The following GPR137B variants were observed in gnomAD, a reference collection of about 807,000 sequenced individuals.
GPR137B encodes the protein G protein-coupled receptor 137B, also known as integral membrane protein GPR137B.
GPR137B carries 42 observed loss-of-function variants against 42.5 expected under a neutral mutation model. The ratio of observed to expected loss-of-function variants is 0.99; its 90% CI spans 0.77 to 1.28. The LOEUF (loss-of-function observed/expected upper bound fraction) is 1.28, where lower values mean the gene tolerates loss of function less well. GPR137B is among the 50% of genes most tolerant of loss of function. The pLI is 0.00. For missense variants in GPR137B, 487 were observed against 493.9 expected, an observed-to-expected ratio of 0.99 and a Z score of 0.13; for synonymous variants, 218 against 209.7, an observed-to-expected ratio of 1.04 and a Z score of -0.34.
chr1:236,156,395 G>A lies in GPR137B; in HGVS notation c.415-12311G>A, dbSNP rs184477986. Among the ~76,000 whole-genome samples the A allele has an allele frequency of 2.2e-4, 34 of 152,360 alleles. No homozygotes were observed. The highest frequency in any genetic ancestry group is 6.2e-4 in the South Asian group (3 of 4,822). On this transcript the variant is annotated intron_variant, in intron 1 of 6. Transcript: ENST00000366592. This position sits in a 1 kb window ranked among gnomAD's most constrained non-coding sequence, Gnocchi z 4.8. Reference sequence around the variant, plus strand: ...CCCAGAACTTTATGGCATGGACAGCGTGCTTGCTTGCCTTTTCTGGCCAGT... The same window carrying A: ...CCCAGAACTTTATGGCATGGACAGCATGCTTGCTTGCCTTTTCTGGCCAGT...
At chr1:236,179,833 G>A (rs534738767) in intron 3 of GPR137B, 46 bp from the exon 4 acceptor site, 19 of 1,458,422 alleles carry the variant, frequency 1.3e-5, no homozygotes, top group Non-Finnish European at 1.7e-5. Flanking sequence ...AGGGGCTGGT[G>A]TCTTGGACCT....
chr1:236,175,466 G>A (rs952987484), intron 2 of GPR137B, among the ~76,000 whole-genome samples: 7 of 152,204 alleles, frequency 4.6e-5, no homozygotes, highest in African/African-American at 1.4e-4. Context: ...CAGACAGTGC[G>A]TTCCCCAGAG....
chr1:236,143,132 C>T (rs1661578848), intron 1 of GPR137B, 96 bp downstream of exon 1: 2 of 1,083,452 alleles, frequency 1.8e-6, no homozygotes, highest in African/African-American at 3.1e-5. Context: ...GGGGCGGGTC[C>T]GGCCCTAGGG....
At chr1:236,183,615 A>T (rs904005744) in intron 4 of GPR137B, among the ~76,000 whole-genome samples, 163 bp from the exon 5 acceptor site, 2 of 152,222 alleles carry the variant, frequency 1.3e-5, no homozygotes, top group Non-Finnish European at 1.5e-5. Context: ...TTAATACTTT[A>T]AATAGAAGTA....
At chr1:236,203,586 T>C (rs180685961) in intron 5 of GPR137B, among the ~76,000 whole-genome samples, 2 of 152,334 alleles carry the variant, frequency 1.3e-5, no homozygotes, top group East Asian at 3.9e-4. Context: ...GGGGATTGCA[T>C]TGAATCTGTA....
rs1278986782 is a variant in GPR137B, at chr1:236,142,571, T to C, written c.-52T>C. 64 of 1,087,024 alleles carry C rather than the reference T, an allele frequency of 5.9e-5. No individual in the cohort carries two copies. The highest frequency in any genetic ancestry group is 7.5e-5 in the Non-Finnish European group (63 of 842,456). 67.3% of individuals were successfully genotyped at this position (1,087,024 alleles called of 1,614,324 possible). A position where few individuals can be genotyped will look rare whatever the true frequency, so the allele number is the denominator to read the frequency against. On this transcript the variant is annotated 5_prime_UTR_variant, in exon 1 of 7. Coordinates refer to ENST00000366592, the MANE Select transcript of GPR137B (RefSeq NM_003272.4). Reference sequence around the variant, plus strand: ...TTCCTCCAGTCTCGGGGCTGCAGGCTGAGCGCGATGCGCGGAGACCCCCGC... The same window carrying C: ...TTCCTCCAGTCTCGGGGCTGCAGGCCGAGCGCGATGCGCGGAGACCCCCGC...
intron 2 of GPR137B, among the ~76,000 whole-genome samples, chr1:236,172,825 C>T (rs916456918): frequency 2.0e-5 from 3 of 151,450 alleles, no homozygotes; most frequent in Admixed American, 6.6e-5. Context: ...GCTGGGAATA[C>T]AGGTGCATGT....
chr1:236,208,114 T>C lies in GPR137B; in HGVS notation c.1156T>C (p.Leu386=). 1 of 1,613,772 alleles carries C rather than the reference T, an allele frequency of 6.2e-7. No individual in the cohort carries two copies. The highest frequency in any genetic ancestry group is 8.5e-7 in the Non-Finnish European group (1 of 1,179,672). Residue 386 remains leucine (L), a synonymous_variant, in exon 7 of 7, where the codon TTG becomes CTG. Coordinates refer to ENST00000366592, the MANE Select transcript of GPR137B (RefSeq NM_003272.4). The part of the protein sequence containing the change: ...TNSFLAQAGT[L]QDSTLDPDKP... ...CAGCTTCCTGGCACAAGCAGGAACT[T>C]TGCAAGACTCAACTTTGGATCCTGA...
At chr1:236,145,280 A>T (rs961915359) in intron 1 of GPR137B, among the ~76,000 whole-genome samples, 2 of 152,154 alleles carry the variant, frequency 1.3e-5, no homozygotes, top group Non-Finnish European at 2.9e-5. Context: ...TTTCTCTTAC[A>T]CAAACCATTG....
At chr1:236,162,611 C>T (rs1309908254) in intron 1 of GPR137B, among the ~76,000 whole-genome samples, 2 of 152,234 alleles carry the variant, frequency 1.3e-5, no homozygotes, top group Non-Finnish European at 2.9e-5. Flanking sequence ...ACTTCGTGCC[C>T]TGTGTCCCAG....
chr1:236,205,235 AG>A lies in GPR137B; in HGVS notation c.1079del (p.Gly360AspfsTer44). The A allele has an allele frequency of 6.2e-7, 1 of 1,613,340 alleles. No individual in the cohort carries two copies. Among genetic ancestry groups the A allele is most frequent in the African/African-American group, 1.3e-5 (1 of 75,050 alleles). On this transcript the variant is annotated frameshift_variant, in exon 6 of 7. Coordinates refer to ENST00000366592, the MANE Select transcript of GPR137B (RefSeq NM_003272.4). LOFTEE classifies it high-confidence loss of function. ...GACCTTGCCTGGAACATTGCCCCTC[AG>A]GGACTTCAGGGAGGGTAAGACCCTA... ...DDDLAWNIAPQGLQGGFAPDY... is the reference protein window; with the variant it reads ...DDDLAWNIAPXGLQGGFAPDY...
chr1:236,170,943 T>C (rs1662516043), intron 2 of GPR137B, among the ~76,000 whole-genome samples: 1 of 143,574 alleles, frequency 7.0e-6, no homozygotes, highest in Non-Finnish European at 1.5e-5. Context: ...GCCACTGCAC[T>C]CCAGCCTGGG....
chr1:236,187,881 C>T (rs2102917262), intron 5 of GPR137B, among the ~76,000 whole-genome samples: 1 of 152,246 alleles, frequency 6.6e-6, no homozygotes, highest in Non-Finnish European at 1.5e-5. Context: ...TCAGTGGTAG[C>T]TTGATGGGGA....
At chr1:236,143,517 G>C (rs537329787) in intron 1 of GPR137B, among the ~76,000 whole-genome samples, 3 of 152,356 alleles carry the variant, frequency 2.0e-5, no homozygotes, top group Middle Eastern at 3.4e-3. Flanking sequence ...CGTTGGCAGG[G>C]TGAGACCATG....
intron 1 of GPR137B, among the ~76,000 whole-genome samples, chr1:236,153,983 G>A (rs576849951): frequency 1.3e-5 from 2 of 152,330 alleles, no homozygotes; most frequent in Admixed American, 6.5e-5. Context: ...TGTGACTTGG[G>A]CTGTTGGGTT....
intron 2 of GPR137B, 73 bp downstream of exon 2, chr1:236,168,828 G>A (rs938472499): frequency 8.1e-6 from 9 of 1,117,476 alleles, no homozygotes; most frequent in Non-Finnish European, 1.1e-5. Flanking sequence ...TCTCTCCATT[G>A]GGGTTTGCAC....
chr1:236,202,715 C>T (rs1663528500), intron 5 of GPR137B, among the ~76,000 whole-genome samples: 1 of 150,764 alleles, frequency 6.6e-6, no homozygotes, highest in Non-Finnish European at 1.5e-5. Context: ...AACAAATTCT[C>T]TGCTCTTTAG....
chr1:236,147,402 A>G (rs1661711228), intron 1 of GPR137B, among the ~76,000 whole-genome samples: 1 of 152,054 alleles, frequency 6.6e-6, no homozygotes. Flanking sequence ...TTCCATCCCA[A>G]TTCCTTCTTC....
At chr1:236,176,399 A>T (rs923006080) in intron 2 of GPR137B, among the ~76,000 whole-genome samples, 2 of 151,644 alleles carry the variant, frequency 1.3e-5, no homozygotes, top group African/African-American at 4.8e-5. Context: ...TGCATGTCCG[A>T]CTCGCTCATC....
Sources: gnomAD v4.1 joint callset for allele counts (sites outside exome capture counted in the v4.1 genomes callset) on GRCh38, gnomAD v4.1.1 for gene constraint, Gnocchi (gnomAD v3.1) non-coding constraint, MANE v1.5 for transcripts, NCBI Gene and HGNC (gene_info 2026-07-23, HGNC 2026-07-21) for gene names.